The following FARS2 variants were observed in gnomAD, a reference collection of about 807,000 sequenced individuals.
The protein encoded by FARS2 is phenylalanine--tRNA ligase, mitochondrial.
In FARS2, 40 loss-of-function variants were observed where a neutral mutation model predicts 46.4. That is an observed-to-expected ratio of 0.86 (90% CI 0.67 to 1.12). The LOEUF (loss-of-function observed/expected upper bound fraction) is 1.12. Among genes scored for constraint, FARS2 ranks in the 50% most tolerant of loss-of-function variants. The probability of loss-of-function intolerance (pLI) is 0.00; values close to 1 mark genes in which losing one functional copy is unlikely to be tolerated. For missense variants in FARS2, 513 were observed against 567.9 expected (o/e 0.90, Z 0.98); for synonymous variants, 234 against 214.9 (o/e 1.09, Z -0.78).
At chr6:5,634,975 G>A (rs1314896910) in intron 6 of FARS2, among the ~76,000 whole-genome samples, 1 of 152,224 alleles carries the variant, frequency 6.6e-6, no homozygotes, top group Non-Finnish European at 1.5e-5. Context: ...GGAATATGAA[G>A]TCTTTGTAGA....
chr6:5,506,667 T>C (rs911365400), intron 4 of FARS2, among the ~76,000 whole-genome samples: 4 of 152,182 alleles, frequency 2.6e-5, no homozygotes, highest in Admixed American at 2.0e-4. Context: ...ACGAAGATGC[T>C]TGGAGCCTGG....
chr6:5,771,492 GA>G lies in FARS2; in HGVS notation c.*64del. The G allele has an allele frequency of 3.2e-6, 5 of 1,543,284 alleles. No homozygotes were observed. The highest frequency in any genetic ancestry group is 3.5e-6 in the Non-Finnish European group (4 of 1,143,356). Reference sequence around the variant, plus strand: ...TCCAGGATTTGCTGAAAGAGAAAAAGATATGGTTTGTGAACTGGGGCATCAA... The same window carrying G: ...TCCAGGATTTGCTGAAAGAGAAAAAGTATGGTTTGTGAACTGGGGCATCAA... On this transcript the variant is annotated 3_prime_UTR_variant, in exon 7 of 7. Transcript: ENST00000274680.
At chr6:5,434,112 T>G (rs116547935) in intron 4 of FARS2, among the ~76,000 whole-genome samples, 2,722 of 152,192 alleles carry the variant, frequency 0.018, 78 homozygotes, top group African/African-American at 0.063. Context: ...ATGAATTAAT[T>G]AATTAATTAA....
intron 2 of FARS2, among the ~76,000 whole-genome samples, chr6:5,392,865 T>C (rs138538999): frequency 0.058 from 8,612 of 147,598 alleles, 294 homozygotes; most frequent in South Asian, 0.083. Flanking sequence ...TGTGTGTGTA[T>C]ATATTATATA....
At chr6:5,441,281 C>T (rs1365467000) in intron 4 of FARS2, among the ~76,000 whole-genome samples, 1 of 151,996 alleles carries the variant, frequency 6.6e-6, no homozygotes, top group Non-Finnish European at 1.5e-5. Context: ...GCAAGTTTTT[C>T]TTTTTATTCT....
intron 6 of FARS2, among the ~76,000 whole-genome samples, chr6:5,739,127 GA>G (rs1301438620): frequency 1.3e-5 from 2 of 152,126 alleles, no homozygotes; most frequent in Non-Finnish European, 2.9e-5. Flanking sequence ...CACTGAATGT[GA>G]CCTTTTGAGA....
intron 1 of FARS2, among the ~76,000 whole-genome samples, chr6:5,284,332 TAA>T (rs1163068090): frequency 6.6e-6 from 1 of 152,220 alleles, no homozygotes; most frequent in African/African-American, 2.4e-5. Flanking sequence ...CCTATTTTAT[TAA>T]AAGTTTATTT....
intron 1 of FARS2, among the ~76,000 whole-genome samples, chr6:5,290,750 T>A (rs1187949383): frequency 6.6e-6 from 1 of 152,234 alleles, no homozygotes; most frequent in Non-Finnish European, 1.5e-5. Flanking sequence ...AGACAGGTTC[T>A]CACTCTGTCC....
chr6:5,369,695 T>C (rs1758919642), intron 2 of FARS2, among the ~76,000 whole-genome samples: 1 of 152,220 alleles, frequency 6.6e-6, no homozygotes, highest in Non-Finnish European at 1.5e-5. Context: ...CCTCCCTGGC[T>C]TTGCATGTTG....
chr6:5,415,488 TG>T (rs1377491590), intron 3 of FARS2, among the ~76,000 whole-genome samples: 3 of 151,542 alleles, frequency 2.0e-5, no homozygotes, highest in East Asian at 3.9e-4. Flanking sequence ...AGGTAATTTT[TG>T]TATTTTTAGT....
chr6:5,614,061 G>A (rs899704440), intron 6 of FARS2, among the ~76,000 whole-genome samples: 6 of 152,156 alleles, frequency 3.9e-5, no homozygotes, highest in African/African-American at 1.4e-4. Flanking sequence ...GGGAGGCTGT[G>A]TAAAGTGATG....
chr6:5,334,261 C>T (rs948055851), intron 1 of FARS2, among the ~76,000 whole-genome samples: 1 of 152,142 alleles, frequency 6.6e-6, no homozygotes, highest in African/African-American at 2.4e-5. Flanking sequence ...GTATGGCACT[C>T]GTACATTGTT....
At position 5,536,282 on chromosome 6, in the gene FARS2, C is replaced by T. The variant is rs187993233; in HGVS notation, c.905-8898C>T. On this transcript the variant is annotated intron_variant, in intron 4 of 6. Transcript: ENST00000274680. ...TCCTGACCTCATGATCTGCCCACCT[C>T]GGCCTCCCAAAGTGCTGGGAATACA... 1.6e-3 allele frequency among the ~76,000 whole-genome samples: 240 copies of T among 152,228 alleles called. 2 individuals are homozygous for T. Among genetic ancestry groups the T allele is most frequent in the African/African-American group, 5.2e-3 (214 of 41,548 alleles).
chr6:5,410,786 T>A (rs1365611444), intron 3 of FARS2, among the ~76,000 whole-genome samples: 1 of 152,080 alleles, frequency 6.6e-6, no homozygotes, highest in East Asian at 1.9e-4. Flanking sequence ...AAAAATTAGG[T>A]TTATAATTAA....
At chr6:5,732,812 C>CAAAAAAA (rs111399257) in intron 6 of FARS2, among the ~76,000 whole-genome samples, 6 of 144,748 alleles carry the variant, frequency 4.1e-5, no homozygotes, top group African/African-American at 1.3e-4. Flanking sequence ...TCATATCCTT[C>CAAAAAAA]AAAAAAAAAA....
At chr6:5,280,789 A>G (rs960276549) in intron 1 of FARS2, among the ~76,000 whole-genome samples, 1 of 152,020 alleles carries the variant, frequency 6.6e-6, no homozygotes, top group Non-Finnish European at 1.5e-5. Flanking sequence ...CTCAGAAAGT[A>G]TGTAGGTTTA....
intron 4 of FARS2, among the ~76,000 whole-genome samples, chr6:5,435,985 A>G (rs1003159908): frequency 1.3e-5 from 2 of 152,244 alleles, no homozygotes; most frequent in Non-Finnish European, 2.9e-5. Context: ...TATTTCTTCA[A>G]AGTCCTTCTA....
chr6:5,440,610 C>G (rs1302865049), intron 4 of FARS2, among the ~76,000 whole-genome samples: 1 of 152,184 alleles, frequency 6.6e-6, no homozygotes, highest in Non-Finnish European at 1.5e-5. Context: ...TTTTCCACAC[C>G]CTTACCAATA....
At chr6:5,407,669 A>G (rs1006723750) in intron 3 of FARS2, among the ~76,000 whole-genome samples, 11 of 152,176 alleles carry the variant, frequency 7.2e-5, no homozygotes, top group African/African-American at 2.7e-4. Context: ...AATAATGAGT[A>G]TATGGGTGGT....
Sources: allele counts gnomAD v4.1 joint callset (sites outside exome capture counted in the v4.1 genomes callset), GRCh38; gene constraint gnomAD v4.1.1; transcripts MANE v1.5; gene names NCBI Gene and HGNC (gene_info 2026-07-23, HGNC 2026-07-21).